CPEB4: variants seen among roughly 807,000 people sequenced by gnomAD.
CPEB4 encodes the protein cytoplasmic polyadenylation element binding protein 4.
A neutral mutation model predicts 72.5 loss-of-function variants in CPEB4; 12 were observed. That is an observed-to-expected ratio of 0.17 (90% CI 0.11 to 0.27). CPEB4 has a LOEUF of 0.27. Ranked by LOEUF, CPEB4 falls within the 10% of genes least tolerant of loss-of-function variation. CPEB4 has a pLI of 1.00. For missense variants in CPEB4, 614 were observed against 908.5 expected, an observed-to-expected ratio of 0.68 and a Z score of 4.17; for synonymous variants, 302 against 326.3, an observed-to-expected ratio of 0.93 and a Z score of 0.80.
rs764482776 is a variant in CPEB4 at position 173,950,009 on chromosome 5, T to C, written c.1596T>C (p.Ile532=). 6.2e-7 allele frequency: 1 copy of C among 1,612,646 alleles called. No homozygotes were observed. Among genetic ancestry groups the C allele is most frequent in the Non-Finnish European group, 8.5e-7 (1 of 1,179,416 alleles). ...FQDESSVQAL[I]DACIEEDGKL... ...ATGAAAGCTCTGTGCAGGCTCTCATTGATGCATGCATTGAAGAAGATGGAA... is the reference window on the plus strand; with the variant it reads ...ATGAAAGCTCTGTGCAGGCTCTCATCGATGCATGCATTGAAGAAGATGGAA... The change falls in exon 7 of 10, where the codon ATT becomes ATC. Residue 532 remains isoleucine, a synonymous_variant. Coordinates refer to ENST00000265085, the MANE Select transcript of CPEB4 (RefSeq NM_030627.4). The surrounding 1 kb of genome is among the most constrained non-coding windows in gnomAD (Gnocchi z 5.0).
At chr5:173,929,119 G>A (rs772320724) in intron 2 of CPEB4, among the ~76,000 whole-genome samples, 6 of 152,226 alleles carry the variant, frequency 3.9e-5, no homozygotes, top group African/African-American at 7.2e-5. Context: ...TTTCAGTGTC[G>A]CATTGTGTCT....
intron 5 of CPEB4, 130 bp downstream of exon 5, chr5:173,945,270 A>G (rs1437108892): frequency 8.4e-6 from 6 of 716,244 alleles, no homozygotes; most frequent in Non-Finnish European, 1.1e-5. Context: ...CTCTTGTCCT[A>G]TCCTCCTATC....
chr5:173,910,739 T>C (rs1024634570), intron 2 of CPEB4, 135 bp downstream of exon 2: 14 of 629,002 alleles, frequency 2.2e-5, no homozygotes, highest in Non-Finnish European at 4.0e-5. Flanking sequence ...TTTACACATA[T>C]ACCTCTTGTT....
intron 1 of CPEB4, among the ~76,000 whole-genome samples, chr5:173,893,424 T>G (rs359469): frequency 1.3e-5 from 2 of 152,118 alleles, no homozygotes; most frequent in African/African-American, 4.8e-5. Flanking sequence ...TGGGACCAAC[T>G]TGGGCAACAT....
intron 8 of CPEB4, 68 bp downstream of exon 8, chr5:173,952,006 T>C: frequency 9.2e-7 from 1 of 1,084,082 alleles, no homozygotes; most frequent in Non-Finnish European, 1.4e-6. Context: ...TCAGGATAAA[T>C]TTTTCCTAAG....
chr5:173,939,224 A>G (rs1757738045), intron 3 of CPEB4, among the ~76,000 whole-genome samples: 1 of 152,224 alleles, frequency 6.6e-6, no homozygotes, highest in African/African-American at 2.4e-5. Flanking sequence ...AGGATTCTAC[A>G]ATACACACTT....
At chr5:173,920,948 T>A (rs913152156) in intron 2 of CPEB4, among the ~76,000 whole-genome samples, 2 of 152,200 alleles carry the variant, frequency 1.3e-5, no homozygotes, top group African/African-American at 4.8e-5. Context: ...AGAAAACAGT[T>A]GTTTAAACTT....
chr5:173,958,840 G>A lies in CPEB4; in HGVS notation c.*2703G>A, dbSNP rs1246700333. The A allele has an allele frequency of 1.3e-5, 2 of 152,640 alleles. No homozygotes were observed. Among genetic ancestry groups the A allele is most frequent in the East Asian group, 3.8e-4 (2 of 5,280 alleles). 9.5% of individuals were successfully genotyped at this position (152,640 alleles called of 1,614,324 possible). A position where few individuals can be genotyped will look rare whatever the true frequency, so the allele number is the denominator to read the frequency against. ...TTTAATATTAATAAATTGATGTTAA[G>A]TGTTTGATTCAGAGATGTCTGCTCT... is the stretch of plus-strand genomic sequence containing the variant. On this transcript the variant is annotated 3_prime_UTR_variant, in exon 10 of 10. Coordinates refer to ENST00000265085, the MANE Select transcript of CPEB4 (RefSeq NM_030627.4).
At chr5:173,907,576 T>C (rs6556094) in intron 1 of CPEB4, among the ~76,000 whole-genome samples, 45,905 of 151,992 alleles carry the variant, frequency 0.3, 7,353 homozygotes, top group South Asian at 0.47. Flanking sequence ...AAGGGGGAAA[T>C]ATAAAGACAA....
At chr5:173,905,018 A>ATAAT (rs1353300223) in intron 1 of CPEB4, among the ~76,000 whole-genome samples, 3 of 36,754 alleles carry the variant, frequency 8.2e-5, no homozygotes, top group African/African-American at 3.3e-4. Flanking sequence ...AATAATAATA[A>ATAAT]AAAAATGTAA....
chr5:173,897,221 T>C (rs955990640), intron 1 of CPEB4, among the ~76,000 whole-genome samples: 5 of 152,236 alleles, frequency 3.3e-5, no homozygotes, highest in Non-Finnish European at 7.3e-5. Flanking sequence ...TTCATTAGCA[T>C]TGACAGCCTG....
rs566086054 is a variant in CPEB4 at position 173,899,863 on chromosome 5, A to G, written c.1125+9005A>G. On this transcript the variant is annotated intron_variant, in intron 1 of 9. Transcript: ENST00000265085. ...GCTTTTGAAGGGCCATGGGCTGAGG[A>G]TGCTTAGCTATGGCAAACGTGATAC... Among the ~76,000 whole-genome samples, 6 of 152,242 alleles carry G rather than the reference A, an allele frequency of 3.9e-5. No homozygotes were observed. In the East Asian group the frequency reaches 9.7e-4, roughly 25 times the overall value.
chr5:173,937,063 T>A (rs1252346915), intron 3 of CPEB4, among the ~76,000 whole-genome samples: 1 of 141,450 alleles, frequency 7.1e-6, no homozygotes, highest in Non-Finnish European at 1.5e-5. Flanking sequence ...TGTTCTGGAC[T>A]GATCCAGACT....
chr5:173,950,158 T>C lies in CPEB4; in HGVS notation c.1665+80T>C. 1.2e-6 allele frequency: 1 copy of C among 806,184 alleles called. No homozygotes were observed. The highest frequency in any genetic ancestry group is 2.0e-6 in the Non-Finnish European group (1 of 490,930). 49.9% of individuals were successfully genotyped at this position (806,184 alleles called of 1,614,324 possible). A position where few individuals can be genotyped will look rare whatever the true frequency, so the allele number is the denominator to read the frequency against. ...ATATTTGAAAAACCCATAGACAACT[T>C]GATGTGTTTGGGGTACTTAATTGAC... On this transcript the variant is annotated intron_variant, in intron 7 of 9. Transcript: ENST00000265085. This position sits in a 1 kb window ranked among gnomAD's most constrained non-coding sequence, Gnocchi z 5.0.
rs1293251979 is a variant in CPEB4, at chr5:173,890,082, G to C, written c.349G>C (p.Glu117Gln). The change falls in exon 1 of 10, where the codon GAA becomes CAA. Residue 117 changes from glutamate to glutamine, a missense_variant. Physicochemically the swap from Glu to Gln is conservative, Grantham distance 29 (BLOSUM62 2). Transcript: ENST00000265085. Reference sequence around the variant, plus strand: ...TGAAACAGAGAAGGCAAAATCAGAAGAAAATCAAGGGGACAATTCTTCGGA... The same window carrying C: ...TGAAACAGAGAAGGCAAAATCAGAACAAAATCAAGGGGACAATTCTTCGGA... ...LPETEKAKSE[E>Q]NQGDNSSENG... 1 of 1,614,132 alleles carries C rather than the reference G, an allele frequency of 6.2e-7. No homozygotes were observed. Among genetic ancestry groups the C allele is most frequent in the Admixed American group, 1.7e-5 (1 of 60,008 alleles).
In CPEB4 at chr5:173,890,733, T is replaced by A; in HGVS notation, c.1000T>A (p.Leu334Met). 1 of 1,614,140 alleles carries A rather than the reference T, an allele frequency of 6.2e-7. No individual in the cohort carries two copies. Among genetic ancestry groups the A allele is most frequent in the Non-Finnish European group, 8.5e-7 (1 of 1,180,038 alleles). Residue 334 changes from leucine (L) to methionine (M), a missense_variant, in exon 1 of 10, where the codon TTG (leucine) becomes ATG (methionine). Around this residue, in one of 5 missense-constraint regions of CPEB4, gnomAD observed 458 missense variants for 548.6 expected, o/e 0.83. Transcript: ENST00000265085. ...GITPLNSISPLKKNFASNHIQ... is the reference protein window; with the variant it reads ...GITPLNSISPMKKNFASNHIQ... ...AACGCCCCTGAACTCCATCTCGCCT[T>A]TGAAGAAAAATTTTGCAAGCAATCA...
chr5:173,899,096 T>C (rs1756130834), intron 1 of CPEB4, among the ~76,000 whole-genome samples: 1 of 152,242 alleles, frequency 6.6e-6, no homozygotes. Flanking sequence ...GATATTTTTT[T>C]TCTCTCTTGG....
chr5:173,910,580 A>C lies in CPEB4; in HGVS notation c.1183A>C (p.Arg395=), dbSNP rs1304349473. 1.9e-6 allele frequency: 3 copies of C among 1,611,006 alleles called. No homozygotes were observed. The East Asian group carries it at 6.7e-5, about 36-fold the overall frequency. ...SLESSLIDIM[R]AENDTIKGRL... ...GGAGAGTTCACTCATTGACATAATG[A>C]GAGCTGAAAATGATACCATTAAAGG... is the stretch of plus-strand genomic sequence containing the variant. The change falls in exon 2 of 10, where the codon AGA becomes CGA. Residue 395 remains arginine (R), a synonymous_variant. Transcript: ENST00000265085.
intron 2 of CPEB4, among the ~76,000 whole-genome samples, chr5:173,925,814 G>A (rs1026618628): frequency 1.3e-5 from 2 of 152,174 alleles, no homozygotes; most frequent in Admixed American, 6.5e-5. Flanking sequence ...AGGAGCAGAG[G>A]TAGGAGCAGC....
Sources: allele counts gnomAD v4.1 joint callset (sites outside exome capture counted in the v4.1 genomes callset), GRCh38; gene constraint gnomAD v4.1.1; regional missense constraint gnomAD v4.1.1; non-coding constraint Gnocchi (gnomAD v3.1); transcripts MANE v1.5; gene names NCBI Gene and HGNC (gene_info 2026-07-23, HGNC 2026-07-21).